The following RMP64 variants were observed in gnomAD, a reference collection of about 807,000 sequenced individuals.
The protein encoded by RMP64 is nucleolus and neural progenitor protein.
At chr3:113,012,636 A>AT in the RMP64 span, 1 of 749,074 alleles carries the variant, frequency 1.3e-6, no homozygotes, top group African/African-American at 1.8e-5. Context: ...TGCACCTTCC[A>AT]TAACCCCATA....
chr3:113,010,648 T>G, the RMP64 span: 1 of 1,612,190 alleles, frequency 6.2e-7, no homozygotes, highest in Non-Finnish European at 8.5e-7. Context: ...CAAACCTGAG[T>G]AGCTTTGTGT....
chr3:113,017,658 T>C, the RMP64 span: 275 of 1,442,168 alleles, frequency 1.9e-4, no homozygotes, highest in African/African-American at 3.5e-3. Flanking sequence ...AAGTATATTA[T>C]ATTAAAAACA....
the RMP64 span, chr3:113,004,890 G>A: frequency 6.6e-6 from 1 of 152,140 alleles, no homozygotes; most frequent in East Asian, 1.9e-4. Flanking sequence ...ATCAATCACT[G>A]GTACCCAAAT....
chr3:113,002,677 T>G, the RMP64 span: 2 of 143,256 alleles, frequency 1.4e-5, no homozygotes, highest in East Asian at 4.0e-4. Context: ...GTGTGTGTGT[T>G]CTTTTAATAG....
At chr3:113,018,300 C>T in the RMP64 span, among the ~76,000 whole-genome samples, 1 of 152,154 alleles carries the variant, frequency 6.6e-6, no homozygotes, top group Non-Finnish European at 1.5e-5. Flanking sequence ...TTCTTACTGT[C>T]CCAACAACTA....
At chr3:113,005,150 C>T in the RMP64 span, 1 of 228,134 alleles carries the variant, frequency 4.4e-6, no homozygotes, top group Admixed American at 5.1e-5. Context: ...TCCTTGCTAT[C>T]TCCCACCCCC....
At chr3:113,009,521 A>G in the RMP64 span, 1 of 152,236 alleles carries the variant, frequency 6.6e-6, no homozygotes, top group African/African-American at 2.4e-5. Flanking sequence ...CACAGGCTGC[A>G]GAAGTTTCAA....
chr3:113,013,289 G>A, the RMP64 span: 2 of 1,613,582 alleles, frequency 1.2e-6, no homozygotes, highest in Non-Finnish European at 1.7e-6. Flanking sequence ...TTTTGCAGCA[G>A]CAGTCCAACA....
chr3:113,010,334 T>C, the RMP64 span, among the ~76,000 whole-genome samples: 1 of 152,304 alleles, frequency 6.6e-6, no homozygotes, highest in Non-Finnish European at 1.5e-5. Flanking sequence ...TCAAACCAAC[T>C]GTCTGACTGC....
chr3:113,008,051 T>A, the RMP64 span: 4 of 811,268 alleles, frequency 4.9e-6, no homozygotes, highest in South Asian at 6.9e-5. Flanking sequence ...TTTGAGTACA[T>A]CCCAATTTAG....
the RMP64 span, chr3:113,005,258 C>T: frequency 2.4e-6 from 1 of 422,598 alleles, no homozygotes; most frequent in Non-Finnish European, 4.3e-6. Context: ...ACTTACTAGC[C>T]TCACTCAAGG....
At chr3:113,017,001 C>CT in the RMP64 span, among the ~76,000 whole-genome samples, 2 of 152,210 alleles carry the variant, frequency 1.3e-5, no homozygotes, top group Admixed American at 1.3e-4. Flanking sequence ...CCCATTTACT[C>CT]TAACATACCA....
the RMP64 span, among the ~76,000 whole-genome samples, chr3:113,018,664 C>G: frequency 6.6e-6 from 1 of 152,186 alleles, no homozygotes; most frequent in African/African-American, 2.4e-5. Context: ...TGACTGTATT[C>G]TCTCCCTTGG....
At chr3:113,016,061 CAT>C in the RMP64 span, among the ~76,000 whole-genome samples, 1 of 151,962 alleles carries the variant, frequency 6.6e-6, no homozygotes, top group Non-Finnish European at 1.5e-5. Context: ...CAGGAACAAA[CAT>C]AGTGAGCATG....
At chr3:113,019,593 T>G in the RMP64 span, 1 of 1,613,752 alleles carries the variant, frequency 6.2e-7, no homozygotes, top group Non-Finnish European at 8.5e-7. Flanking sequence ...TTCCCCGCCT[T>G]AGGGATTCTC....
At chr3:113,017,684 C>A in the RMP64 span, 5 of 1,281,068 alleles carry the variant, frequency 3.9e-6, no homozygotes, top group Admixed American at 2.0e-5. Context: ...AAAAAAGCAT[C>A]TTTCCTTATT....
the RMP64 span, among the ~76,000 whole-genome samples, chr3:113,018,114 C>T: frequency 6.6e-6 from 1 of 152,318 alleles, no homozygotes; most frequent in Non-Finnish European, 1.5e-5. Flanking sequence ...AGAAAAACCA[C>T]CACAGTAACT....
chr3:113,018,337 G>C, the RMP64 span, among the ~76,000 whole-genome samples: 1 of 152,306 alleles, frequency 6.6e-6, no homozygotes, highest in East Asian at 1.9e-4. Flanking sequence ...GCTGCCTCGG[G>C]GATGGGTAGT....
chr3:113,008,163 ATACCTACC>A, the RMP64 span: 2 of 1,610,788 alleles, frequency 1.2e-6, no homozygotes, highest in Non-Finnish European at 1.7e-6. Context: ...TTTTTGCAAT[ATACCTACC>A]TAGTACCTTG....
Sources: allele counts gnomAD v4.1 joint callset (sites outside exome capture counted in the v4.1 genomes callset), GRCh38; gene constraint gnomAD v4.1.1; transcripts MANE v1.5; gene names NCBI Gene and HGNC (gene_info 2026-07-23, HGNC 2026-07-21).